Variants in WTAP observed in about 807,000 individuals in gnomAD.
WTAP encodes pre-mRNA-splicing regulator WTAP.
WTAP carries 8 observed loss-of-function variants against 50.0 expected under a neutral mutation model. That is an observed-to-expected ratio of 0.16 (90% CI 0.09 to 0.29). The LOEUF (loss-of-function observed/expected upper bound fraction) is 0.29. WTAP is among the 10% of genes least tolerant of loss of function. WTAP has a pLI of 1.00. For missense variants in WTAP, 295 were observed against 470.7 expected (o/e 0.63, Z 3.45); for synonymous variants, 194 against 169.0 (o/e 1.15, Z -1.15).
At position 159,756,155 on chromosome 6, in the gene WTAP, C is replaced by A. The variant is rs952084491; in HGVS notation, c.*544C>A. 1 of 153,026 alleles carries A rather than the reference C, an allele frequency of 6.5e-6. No individual in the cohort carries two copies. Among genetic ancestry groups the A allele is most frequent in the Non-Finnish European group, 1.5e-5 (1 of 68,382 alleles). 9.5% of individuals were successfully genotyped at this position (153,026 alleles called of 1,614,324 possible). On this transcript the variant is annotated 3_prime_UTR_variant, in exon 8 of 8. Coordinates refer to ENST00000621533, the MANE Select transcript of WTAP (RefSeq NM_001270531.2). ...GTTAGATACAGTTTTTTCCACCATA[C>A]ATCTGTGCATTTTCTCTTTAGGTGA...
intron 3 of WTAP, among the ~76,000 whole-genome samples, chr6:159,740,885 G>T (rs1410302842): frequency 4.6e-5 from 7 of 151,876 alleles, no homozygotes; most frequent in Admixed American, 4.6e-4. Context: ...TGTATTTTCA[G>T]TAGAGACGGG....
intron 1 of WTAP, among the ~76,000 whole-genome samples, chr6:159,733,454 C>CA (rs1019045647): frequency 6.9e-5 from 5 of 72,042 alleles, no homozygotes; most frequent in African/African-American, 9.5e-5. Context: ...CTGTCTCTAC[C>CA]AAAAAAAATT....
chr6:159,746,644 A>G (rs1334591679), intron 5 of WTAP, among the ~76,000 whole-genome samples: 2 of 152,188 alleles, frequency 1.3e-5, no homozygotes, highest in African/African-American at 4.8e-5. Flanking sequence ...CTATATTCTT[A>G]ACTATATACT....
intron 7 of WTAP, 115 bp from the exon 8 acceptor site, chr6:159,754,913 A>G (rs1779949511): frequency 8.9e-7 from 1 of 1,120,382 alleles, no homozygotes; most frequent in Admixed American, 3.3e-5. Flanking sequence ...TGATTTTAGA[A>G]TTGTATTTGT....
intron 1 of WTAP, among the ~76,000 whole-genome samples, chr6:159,735,043 A>G (rs1030557329): frequency 1.3e-5 from 2 of 152,210 alleles, no homozygotes; most frequent in Non-Finnish European, 2.9e-5. Context: ...TGAATTTTGT[A>G]TAATAAAGAA....
intron 5 of WTAP, 87 bp downstream of exon 5, chr6:159,743,879 G>A: frequency 8.1e-6 from 11 of 1,354,240 alleles, no homozygotes; most frequent in Non-Finnish European, 1.1e-5. Flanking sequence ...AACATTTAAT[G>A]CTAAATATAA....
chr6:159,726,714 C>T (rs1029978398), upstream of WTAP: 5 of 1,240,696 alleles, frequency 4.0e-6, no homozygotes, highest in Non-Finnish European at 5.2e-6. Flanking sequence ...GGACACAGCG[C>T]AACCTCCGAC....
intron 7 of WTAP, among the ~76,000 whole-genome samples, chr6:159,754,197 T>G (rs1779922099): frequency 6.6e-6 from 1 of 152,236 alleles, no homozygotes. Context: ...TGAAAATTAG[T>G]GTCTCTGGTT....
chr6:159,743,681 C>T lies in WTAP; in HGVS notation c.162C>T (p.Gly54=). 6.2e-7 allele frequency: 1 copy of T among 1,612,078 alleles called. No individual in the cohort carries two copies. Among genetic ancestry groups the T allele is most frequent in the Non-Finnish European group, 8.5e-7 (1 of 1,179,182 alleles). ...YTDLNSNDVT[G]LRESEEKLKQ... is the part of the protein sequence containing the mutation. ...AATCATCAGCTAATGATGTAACTGG[C>T]CTAAGAGAGTCTGAAGAAAAACTAA... Residue 54 remains glycine (G), a synonymous_variant, in exon 5 of 8, where the codon GGC becomes GGT. Transcript: ENST00000621533.
At chr6:159,753,781 A>G (rs1779904061) in intron 7 of WTAP, among the ~76,000 whole-genome samples, 167 bp downstream of exon 7, 1 of 152,160 alleles carries the variant, frequency 6.6e-6, no homozygotes, top group African/African-American at 2.4e-5. Context: ...AAACAAAGCC[A>G]TATAATTTTA....
intron 2 of WTAP, chr6:159,736,505 T>G (rs1355211536): frequency 1.7e-5 from 7 of 419,356 alleles, no homozygotes; most frequent in Non-Finnish European, 3.0e-5. Context: ...ATTTTCAGAT[T>G]TTGGAAAACT....
At chr6:159,750,693 C>T (rs1779786420) in intron 6 of WTAP, among the ~76,000 whole-genome samples, 1 of 152,096 alleles carries the variant, frequency 6.6e-6, no homozygotes, top group African/African-American at 2.4e-5. Flanking sequence ...ATTTTTAATG[C>T]TTACATAGTA....
At chr6:159,740,180 CT>C (rs922972298) in intron 3 of WTAP, among the ~76,000 whole-genome samples, 1 of 151,758 alleles carries the variant, frequency 6.6e-6, no homozygotes, top group African/African-American at 2.4e-5. Context: ...GCATTGTATA[CT>C]TTTTTTAATG....
intron 1 of WTAP, among the ~76,000 whole-genome samples, chr6:159,735,123 C>T (rs1778824944): frequency 1.3e-5 from 2 of 152,120 alleles, no homozygotes; most frequent in Admixed American, 6.5e-5. Context: ...TAAGGTGTGA[C>T]ATACATGTGT....
chr6:159,741,891 C>T (rs1018577114), intron 3 of WTAP, 197 bp from the exon 4 acceptor site: 6 of 466,158 alleles, frequency 1.3e-5, no homozygotes, highest in Admixed American at 8.1e-5. Context: ...ATCGCTTGAG[C>T]CCAGACCCTG....
At position 159,748,298 on chromosome 6, in the gene WTAP, A is replaced by G; in HGVS notation, c.381A>G (p.Glu127=). The change falls in exon 6 of 8, where the codon GAA becomes GAG. Residue 127 remains glutamate, a synonymous_variant. Coordinates refer to ENST00000621533, the MANE Select transcript of WTAP (RefSeq NM_001270531.2). This position sits in a 1 kb window ranked among gnomAD's most constrained non-coding sequence, Gnocchi z 5.6. The part of the protein sequence containing the change: ...INLFFLKMKG[E]LEQTKDKLEQ... ...TGTTTTTCCTAAAAATGAAAGGTGA[A>G]CTGGAACAGACTAAAGACAAACTGG... The G allele has an allele frequency of 6.2e-7, 1 of 1,614,132 alleles. No homozygotes were observed. Among genetic ancestry groups the G allele is most frequent in the Non-Finnish European group, 8.5e-7 (1 of 1,179,976 alleles).
At chr6:159,754,499 A>AT (rs1430097308) in intron 7 of WTAP, among the ~76,000 whole-genome samples, 2 of 152,182 alleles carry the variant, frequency 1.3e-5, no homozygotes, top group African/African-American at 4.8e-5. Context: ...GATCAAAACA[A>AT]TTTTAACTTG....
At chr6:159,752,992 C>T (rs1293941494) in intron 6 of WTAP, among the ~76,000 whole-genome samples, 3 of 152,184 alleles carry the variant, frequency 2.0e-5, no homozygotes, top group African/African-American at 7.2e-5. Context: ...GTTTTTCTAG[C>T]AAGAATAAAT....
chr6:159,755,674 T>C lies in WTAP; in HGVS notation c.*63T>C. ...TTGGGAGAGGATACTGTCCAGAAAA[T>C]TAATGCATACTTTTGTCACAATTTG... On this transcript the variant is annotated 3_prime_UTR_variant, in exon 8 of 8. Transcript: ENST00000621533. 2.1e-6 allele frequency: 3 copies of C among 1,399,004 alleles called. No individual in the cohort carries two copies. Among genetic ancestry groups the C allele is most frequent in the Non-Finnish European group, 2.8e-6 (3 of 1,077,364 alleles). 86.7% of individuals were successfully genotyped at this position (1,399,004 alleles called of 1,614,324 possible).
Sources: gnomAD v4.1 joint callset for allele counts (sites outside exome capture counted in the v4.1 genomes callset) on GRCh38, gnomAD v4.1.1 for gene constraint, Gnocchi (gnomAD v3.1) non-coding constraint, MANE v1.5 for transcripts, NCBI Gene and HGNC (gene_info 2026-07-23, HGNC 2026-07-21) for gene names.